FGGY: variants seen among roughly 807,000 people sequenced by gnomAD.
FGGY encodes the protein FGGY carbohydrate kinase domain-containing protein.
FGGY carries 72 observed loss-of-function variants against 71.3 expected under a neutral mutation model. The ratio of observed to expected loss-of-function variants is 1.01; its 90% CI spans 0.84 to 1.23. FGGY has a LOEUF of 1.23. FGGY is among the 50% of genes most tolerant of loss of function. The pLI, the probability that FGGY is intolerant of heterozygous loss-of-function variation, is 0.00. For missense variants in FGGY, 668 were observed against 682.3 expected, an observed-to-expected ratio of 0.98 and a Z score of 0.23; for synonymous variants, 251 against 250.3, an observed-to-expected ratio of 1.00 and a Z score of -0.02.
chr1:59,673,909 C>A, intron 13 of FGGY, 130 bp from the exon 14 acceptor site: 1 of 679,698 alleles, frequency 1.5e-6, no homozygotes. Flanking sequence ...GAAGGGAGGA[C>A]TGCAGGGAGT....
chr1:59,534,679 A>G (rs2095262499), intron 7 of FGGY, among the ~76,000 whole-genome samples: 1 of 152,054 alleles, frequency 6.6e-6, no homozygotes, highest in Non-Finnish European at 1.5e-5. Context: ...CCAATATTCA[A>G]CATTCTTAAA....
At chr1:59,599,357 T>G (rs993627232) in intron 8 of FGGY, among the ~76,000 whole-genome samples, 3 of 151,960 alleles carry the variant, frequency 2.0e-5, no homozygotes, top group Non-Finnish European at 2.9e-5. Context: ...CTGCTGGCCT[T>G]AGCCTCCCAA....
At chr1:59,470,611 A>G (rs748198062) in intron 6 of FGGY, among the ~76,000 whole-genome samples, 2 of 152,188 alleles carry the variant, frequency 1.3e-5, no homozygotes, top group African/African-American at 2.4e-5. Flanking sequence ...ATACTACCTC[A>G]TTTTAGGGGA....
intron 6 of FGGY, among the ~76,000 whole-genome samples, chr1:59,458,967 A>G (rs535340090): frequency 6.6e-6 from 1 of 152,294 alleles, no homozygotes; most frequent in East Asian, 1.9e-4. Context: ...CCTCCCTATG[A>G]AGTGTTAAAC....
At chr1:59,383,057 T>G (rs1055632580) in intron 5 of FGGY, among the ~76,000 whole-genome samples, 6 of 152,222 alleles carry the variant, frequency 3.9e-5, no homozygotes, top group Admixed American at 2.6e-4. Flanking sequence ...TGGGCAAGTC[T>G]CTTCCCTTCT....
chr1:59,670,674 A>G (rs949318189), intron 13 of FGGY, among the ~76,000 whole-genome samples: 7 of 151,626 alleles, frequency 4.6e-5, no homozygotes, highest in Non-Finnish European at 1.0e-4. Flanking sequence ...CTCTTATTCC[A>G]TCTAGGAAGC....
At chr1:59,462,126 C>T (rs1572443321) in intron 6 of FGGY, among the ~76,000 whole-genome samples, 1 of 152,074 alleles carries the variant, frequency 6.6e-6, no homozygotes, top group Non-Finnish European at 1.5e-5. Context: ...ATCAATGGAA[C>T]AGAACAGAGC....
At chr1:59,337,931 C>A (rs903972987) in intron 2 of FGGY, among the ~76,000 whole-genome samples, 1 of 152,178 alleles carries the variant, frequency 6.6e-6, no homozygotes, top group African/African-American at 2.4e-5. Context: ...ATCCTTGCTT[C>A]ATTTCTGATG....
At chr1:59,494,405 A>G (rs2093970718) in intron 6 of FGGY, among the ~76,000 whole-genome samples, 1 of 152,184 alleles carries the variant, frequency 6.6e-6, no homozygotes, top group African/African-American at 2.4e-5. Flanking sequence ...GCAGAGGCCC[A>G]GGGCTGGGAA....
At chr1:59,711,168 A>G (rs1221404716) in intron 14 of FGGY, among the ~76,000 whole-genome samples, 1 of 152,180 alleles carries the variant, frequency 6.6e-6, no homozygotes, top group Non-Finnish European at 1.5e-5. Context: ...GAAAACCATC[A>G]TTCTCAGCAA....
chr1:59,632,736 TTC>T (rs773392802), intron 10 of FGGY, among the ~76,000 whole-genome samples: 51 of 152,206 alleles, frequency 3.4e-4, no homozygotes, highest in Non-Finnish European at 5.4e-4. Flanking sequence ...CTAAAAATTT[TTC>T]TCTCTTTCCA....
intron 5 of FGGY, among the ~76,000 whole-genome samples, chr1:59,434,790 C>T (rs191101990): frequency 1.1e-4 from 17 of 152,116 alleles, no homozygotes; most frequent in Admixed American, 1.1e-3. Context: ...CAAAGCCCCC[C>T]CCACCTCCAA....
chr1:59,460,210 T>A (rs888021466), intron 6 of FGGY, among the ~76,000 whole-genome samples: 2 of 152,088 alleles, frequency 1.3e-5, no homozygotes, highest in Non-Finnish European at 2.9e-5. Flanking sequence ...ACTGGGCTTT[T>A]CCAACAGTCT....
At chr1:59,411,893 G>A (rs2063659747) in intron 5 of FGGY, among the ~76,000 whole-genome samples, 1 of 152,134 alleles carries the variant, frequency 6.6e-6, no homozygotes, top group Non-Finnish European at 1.5e-5. Flanking sequence ...CTCCAACCCT[G>A]AGAGAAGCCT....
chr1:59,680,176 C>G (rs913607015), intron 14 of FGGY, among the ~76,000 whole-genome samples: 2 of 151,992 alleles, frequency 1.3e-5, no homozygotes, highest in East Asian at 3.9e-4. Flanking sequence ...CACATATGGT[C>G]CTGATATTAT....
intron 8 of FGGY, among the ~76,000 whole-genome samples, chr1:59,588,087 A>G (rs529844576): frequency 6.7e-4 from 102 of 152,356 alleles, no homozygotes; most frequent in Middle Eastern, 6.8e-3. Context: ...ACCAATACAA[A>G]GAAGTGCTTA....
intron 2 of FGGY, among the ~76,000 whole-genome samples, chr1:59,330,906 A>G (rs1460365228): frequency 6.6e-6 from 1 of 152,120 alleles, no homozygotes; most frequent in African/African-American, 2.4e-5. Context: ...AATGGCTGGC[A>G]GAGAAGAAAC....
intron 10 of FGGY, among the ~76,000 whole-genome samples, chr1:59,627,487 TATACACAC>T (rs1335953176): frequency 3.6e-5 from 4 of 109,600 alleles, no homozygotes; most frequent in Non-Finnish European, 7.0e-5. Context: ...TATATATATA[TATACACAC>T]ACACACACAC....
At chr1:59,694,585 G>T (rs930790138) in intron 14 of FGGY, among the ~76,000 whole-genome samples, 2 of 152,018 alleles carry the variant, frequency 1.3e-5, no homozygotes, top group African/African-American at 4.8e-5. Flanking sequence ...AGAGACCAAG[G>T]TCTCCACAGG....
Sources: gnomAD v4.1 joint callset for allele counts (sites outside exome capture counted in the v4.1 genomes callset) on GRCh38, gnomAD v4.1.1 for gene constraint, MANE v1.5 for transcripts, NCBI Gene and HGNC (gene_info 2026-07-23, HGNC 2026-07-21) for gene names.